Variants in RALGDS observed in about 807,000 individuals in gnomAD.
RALGDS encodes the protein ral guanine nucleotide dissociation stimulator.
Under a neutral mutation model 99.8 loss-of-function variants are expected in RALGDS, and 44 were observed. That is an observed-to-expected ratio of 0.44 (90% CI 0.35 to 0.57). The LOEUF (loss-of-function observed/expected upper bound fraction) is 0.57, where lower values mean the gene tolerates loss of function less well. RALGDS is among the 20% of genes least tolerant of loss of function. RALGDS has a pLI of 0.01. For missense variants in RALGDS, 1,022 were observed against 1,203.1 expected, an observed-to-expected ratio of 0.85 and a Z score of 2.23; for synonymous variants, 529 against 505.0, an observed-to-expected ratio of 1.05 and a Z score of -0.64.
intron 1 of RALGDS, among the ~76,000 whole-genome samples, chr9:133,137,533 G>A (rs1832447613): frequency 6.6e-6 from 1 of 152,244 alleles, no homozygotes; most frequent in Admixed American, 6.5e-5. Context: ...GAAGGGCGGG[G>A]CGCCTCTGCT....
chr9:133,105,197 T>C (rs1830957950), intron 9 of RALGDS, among the ~76,000 whole-genome samples: 1 of 152,120 alleles, frequency 6.6e-6, no homozygotes, highest in African/African-American at 2.4e-5. Context: ...GAACTCTGTG[T>C]GTGTCCACGC....
upstream of RALGDS, among the ~76,000 whole-genome samples, chr9:133,131,603 C>T (rs1832335880): frequency 1.3e-5 from 2 of 152,184 alleles, no homozygotes; most frequent in African/African-American, 4.8e-5. Flanking sequence ...GCCCCAGCCA[C>T]CCATTCCCTG....
chr9:133,149,089 A>C, exon 1 of RALGDS: 10 of 773,454 alleles, frequency 1.3e-5, no homozygotes, highest in Non-Finnish European at 1.7e-5. Flanking sequence ...TGCGGGGCTC[A>C]TGGCGCGGCC....
rs184213807 is a variant in RALGDS at position 133,099,749 on chromosome 9, G to T, written c.2569+519C>A. 43 of 182,714 alleles carry T rather than the reference G, an allele frequency of 2.4e-4. No homozygotes were observed. The East Asian group carries it at 5.3e-3, about 22-fold the overall frequency. 11.3% of individuals were successfully genotyped at this position (182,714 alleles called of 1,614,324 possible). On this transcript the variant is annotated intron_variant, in intron 17 of 17. Coordinates refer to ENST00000372050, the MANE Select transcript of RALGDS (RefSeq NM_006266.4). The stretch of plus-strand genomic sequence containing the variant: ...GGGGGATGAGAAGACAAGCACAGAG[G>T]GCTTAAGGAGCTTGCCCAGCGTCTC...
chr9:133,109,705 C>T lies in RALGDS; in HGVS notation c.505G>A (p.Ala169Thr), dbSNP rs1013125630. 1.2e-6 allele frequency: 2 copies of T among 1,613,764 alleles called. No individual in the cohort carries two copies. Among genetic ancestry groups the T allele is most frequent in the Non-Finnish European group, 1.7e-6 (2 of 1,179,822 alleles). The change falls in exon 4 of 18, where the codon GCC (alanine) becomes ACC (threonine). Residue 169 changes from alanine to threonine, a missense_variant. Transcript: ENST00000372050. ...CCGTATCTAGAGGAGGCCGTGAGGG[C>T]GTCACATCTACCGTACCTGCTTATG... ...LLFKRYGRCDALTASSRYGCI... is the reference protein window; with the variant it reads ...LLFKRYGRCDTLTASSRYGCI...
intron 1 of RALGDS, among the ~76,000 whole-genome samples, chr9:133,147,531 G>C (rs1832642837): frequency 6.6e-6 from 1 of 152,126 alleles, no homozygotes; most frequent in South Asian, 2.1e-4. Flanking sequence ...GGAAGCTCTT[G>C]GAGCCCCCTC....
At chr9:133,104,409 G>A in intron 9 of RALGDS, 78 bp from the exon 10 acceptor site, 3 of 1,352,086 alleles carry the variant, frequency 2.2e-6, no homozygotes, top group Non-Finnish European at 3.2e-6. Flanking sequence ...TGCTGCCAGT[G>A]TGGTCGGGTT....
At chr9:133,103,154 T>G (rs962189692) in intron 12 of RALGDS, 76 bp downstream of exon 12, 21 of 1,561,178 alleles carry the variant, frequency 1.3e-5, no homozygotes, top group Non-Finnish European at 1.8e-5. Flanking sequence ...AAGGAGAGGG[T>G]AGGAGTTGAA....
chr9:133,103,390 G>A, intron 11 of RALGDS, 128 bp from the exon 12 acceptor site: 3 of 1,193,504 alleles, frequency 2.5e-6, no homozygotes, highest in Non-Finnish European at 3.7e-6. Flanking sequence ...ATTGAAGCCG[G>A]TGCTGGGCAC....
intron 1 of RALGDS, among the ~76,000 whole-genome samples, chr9:133,145,635 G>A (rs1832611380): frequency 6.6e-6 from 1 of 152,174 alleles, no homozygotes; most frequent in Non-Finnish European, 1.5e-5. Flanking sequence ...CAGCCAACCA[G>A]TGTGTTCTCA....
intron 2 of RALGDS, among the ~76,000 whole-genome samples, chr9:133,110,848 G>A (rs1035754545): frequency 6.6e-6 from 1 of 151,996 alleles, no homozygotes; most frequent in Non-Finnish European, 1.5e-5. Context: ...TTGGGAGGCT[G>A]AGGTGGGCAA....
At chr9:133,104,927 G>A (rs1285303067) in intron 9 of RALGDS, among the ~76,000 whole-genome samples, 4 of 152,158 alleles carry the variant, frequency 2.6e-5, no homozygotes, top group Non-Finnish European at 4.4e-5. Flanking sequence ...CAGCACCCCA[G>A]GGCTGGCATT....
rs577767663 is a variant in RALGDS at position 133,100,786 on chromosome 9, G to T, written c.2455-404C>A. 2.3e-5 allele frequency: 27 copies of T among 1,149,216 alleles called. No individual in the cohort carries two copies. In the African/African-American group the frequency reaches 4.2e-4, roughly 18 times the overall value. 71.2% of individuals were successfully genotyped at this position (1,149,216 alleles called of 1,614,324 possible). On this transcript the variant is annotated intron_variant, in intron 16 of 17. Coordinates refer to ENST00000372050, the MANE Select transcript of RALGDS (RefSeq NM_006266.4). ...GGGGCCGGCCAGGATGCTCAGTGTG[G>T]TCAGCATAGGCCAGGCCCCTGCTAC...
chr9:133,103,389 G>T (rs1042021883), intron 11 of RALGDS, 127 bp from the exon 12 acceptor site: 1 of 1,199,748 alleles, frequency 8.3e-7, no homozygotes. Context: ...GATTGAAGCC[G>T]GTGCTGGGCA....
At chr9:133,106,099 G>C (rs1831038580) in intron 8 of RALGDS, 83 bp from the exon 9 acceptor site, 1 of 1,099,948 alleles carries the variant, frequency 9.1e-7, no homozygotes, top group Non-Finnish European at 1.4e-6. Context: ...TTTTAGAGCT[G>C]AAAGACCCCA....
intron 9 of RALGDS, 158 bp from the exon 10 acceptor site, chr9:133,104,489 T>C: frequency 1.5e-6 from 1 of 675,366 alleles, no homozygotes. Flanking sequence ...TTCCTGAGCC[T>C]GCCTCCCCCT....
In RALGDS at chr9:133,107,089, G is replaced by A; in HGVS notation, c.1409C>T (p.Ala470Val). The A allele has an allele frequency of 6.2e-7, 1 of 1,613,414 alleles. No homozygotes were observed. The highest frequency in any genetic ancestry group is 2.2e-5 in the East Asian group (1 of 44,880). ...ARVVEHWIEVARECRILKNFS... is the reference protein window; with the variant it reads ...ARVVEHWIEVVRECRILKNFS... ...CAGGCCCCTCCTCTGGCATACCCTG[G>A]CCACCTCGATCCAGTGCTCCACCAC... Residue 470 changes from alanine to valine, a missense_variant, in exon 7 of 18, where the codon GCC (alanine) becomes GTC (valine). Transcript: ENST00000372050.
At chr9:133,110,117 G>T (rs563391064) in intron 3 of RALGDS, among the ~76,000 whole-genome samples, 179 bp downstream of exon 3, 2 of 152,148 alleles carry the variant, frequency 1.3e-5, no homozygotes, top group Non-Finnish European at 2.9e-5. Context: ...CACTTTCCAC[G>T]CCTCATCCCG....
intron 1 of RALGDS, among the ~76,000 whole-genome samples, chr9:133,113,781 GTC>G (rs949559229): frequency 1.3e-5 from 2 of 152,164 alleles, no homozygotes; most frequent in Admixed American, 6.5e-5. Context: ...TCAGCTGGGA[GTC>G]TCTCTCTCTC....
Sources: gnomAD v4.1 joint callset for allele counts (sites outside exome capture counted in the v4.1 genomes callset) on GRCh38, gnomAD v4.1.1 for gene constraint, MANE v1.5 for transcripts, NCBI Gene and HGNC (gene_info 2026-07-23, HGNC 2026-07-21) for gene names.